Variants in USP48 observed in about 807,000 individuals in gnomAD.
USP48 encodes the protein ubiquitin carboxyl-terminal hydrolase 48.
In USP48, 43 loss-of-function variants were observed where a neutral mutation model predicts 150.7. The ratio of observed to expected loss-of-function variants is 0.29; its 90% confidence interval spans 0.22 to 0.37. The LOEUF (loss-of-function observed/expected upper bound fraction) is 0.37. Among genes scored for constraint, USP48 ranks in the 10% least tolerant of loss-of-function variants. The probability of loss-of-function intolerance (pLI) is 1.00; values close to 1 mark genes in which losing one functional copy is unlikely to be tolerated. For missense variants in USP48, 813 were observed against 1,249.6 expected, an observed-to-expected ratio of 0.65 and a Z score of 5.27; for synonymous variants, 396 against 425.9, an observed-to-expected ratio of 0.93 and a Z score of 0.86.
chr1:21,696,906 T>TA lies in USP48; in HGVS notation c.2728-1686_2728-1685insT, dbSNP rs1553121031. ...GGTGGCCGGTGGGGGCGGTGGGGGA[T>TA]GGGGGGTGAGTGAGAGGCGCAGGGG... On this transcript the variant is annotated intron_variant, in intron 22 of 26. Transcript: ENST00000308271. Among the ~76,000 whole-genome samples the TA allele has an allele frequency of 5.7e-5, 7 of 121,856 alleles. No homozygotes were observed. The Admixed American group carries it at 6.3e-4, about 11-fold the overall frequency. 79.9% of individuals were successfully genotyped at this position (121,856 alleles called of 152,430 possible). A position where few individuals can be genotyped will look rare whatever the true frequency, so the allele number is the denominator to read the frequency against.
At position 21,703,517 on chromosome 1, in the gene USP48, T is replaced by C; in HGVS notation, c.2617A>G (p.Lys873Glu). Residue 873 changes from lysine to glutamate, a missense_variant, in exon 21 of 27, where the codon AAA (lysine) becomes GAA (glutamate). Physicochemically the swap from Lys to Glu is moderately conservative, Grantham distance 56. Coordinates refer to ENST00000308271, the MANE Select transcript of USP48 (RefSeq NM_032236.8). ...TIYVHKVVDN[K>E]KVMKDSAPEL... is the part of the protein sequence containing the mutation. ...GCCACAAGAGGGACCAGTACCTTTT[T>C]ATTATCCACAACTTTATGGACATAG... 1 of 1,611,680 alleles carries C rather than the reference T, an allele frequency of 6.2e-7. No individual in the cohort carries two copies.
intron 22 of USP48, among the ~76,000 whole-genome samples, chr1:21,699,995 C>T (rs1250370260): frequency 1.4e-5 from 2 of 146,964 alleles, no homozygotes; most frequent in Non-Finnish European, 3.0e-5. Context: ...TCTGCAAACG[C>T]TTGTGGAGAC....
Position 21,723,932 on chromosome 1 carries a change from G to A in USP48, c.1614C>T (p.Phe538=), listed in dbSNP as rs1333890395. 1.9e-6 allele frequency: 3 copies of A among 1,614,056 alleles called. No homozygotes were observed. The highest frequency in any genetic ancestry group is 2.5e-6 in the Non-Finnish European group (3 of 1,179,998). The change falls in exon 12 of 27, where the codon TTC becomes TTT. Residue 538 remains phenylalanine (F), a synonymous_variant. Transcript: ENST00000308271. ...KRISEYAADI[F]YSRYGGGPRL... is the part of the protein sequence containing the mutation. ...TTGGACCTCCTCCATATCTACTATA[G>A]AAAATGTCAGCTGCATATTCAGATA...
Position 21,706,885 on chromosome 1 carries a change from A to G in USP48, c.1964-17T>C. 6.4e-7 allele frequency: 1 copy of G among 1,568,966 alleles called. No individual in the cohort carries two copies. Among genetic ancestry groups the G allele is most frequent in the East Asian group, 2.2e-5 (1 of 44,670 alleles). ...ATAACTCACCTGAGTTTAAAAAAAT[A>G]TATTTGGAAAAAAAAAAAACAGCTG... On this transcript the variant is annotated splice_polypyrimidine_tract_variant and intron_variant, in intron 15 of 26. Coordinates refer to ENST00000308271, the MANE Select transcript of USP48 (RefSeq NM_032236.8).
intron 22 of USP48, among the ~76,000 whole-genome samples, chr1:21,699,480 G>A (rs1393510570): frequency 2.0e-5 from 3 of 151,414 alleles, no homozygotes; most frequent in East Asian, 1.9e-4. Context: ...TTACAGGCAT[G>A]AGCCACCGTG....
intron 9 of USP48, among the ~76,000 whole-genome samples, chr1:21,734,167 A>G (rs1474858958): frequency 6.6e-6 from 1 of 152,222 alleles, no homozygotes; most frequent in Non-Finnish European, 1.5e-5. Flanking sequence ...TGGGAGGCCA[A>G]GTGCAAGGAT....
In USP48 at chr1:21,752,541, A is replaced by G; in HGVS notation, c.651T>C (p.Tyr217=). 6.2e-7 allele frequency: 1 copy of G among 1,611,074 alleles called. No homozygotes were observed. Among genetic ancestry groups the G allele is most frequent in the Non-Finnish European group, 8.5e-7 (1 of 1,179,436 alleles). ...AACAGACTTACACAGTTACATAGGC[A>G]TATTCTCCACAGAACTGCTGTTGAA... ...NIVQQQFCGE[Y]AYVTVCNQCG... The change falls in exon 5 of 27, where the codon TAT becomes TAC. Residue 217 remains tyrosine (Y), a synonymous_variant. Coordinates refer to ENST00000308271, the MANE Select transcript of USP48 (RefSeq NM_032236.8).
At chr1:21,724,124 ATGTATTT>A (rs1188031106) in intron 11 of USP48, 29 bp from the exon 12 acceptor site, 1 of 1,605,452 alleles carries the variant, frequency 6.2e-7, no homozygotes, top group African/African-American at 1.3e-5. Flanking sequence ...GAAAGAGCCT[ATGTATTT>A]TTACAGTTTT....
chr1:21,694,066 C>A (rs940321161), intron 23 of USP48, among the ~76,000 whole-genome samples: 1 of 152,040 alleles, frequency 6.6e-6, no homozygotes, highest in African/African-American at 2.4e-5. Context: ...TTCCTTCTGC[C>A]TAGGGTTTGA....
chr1:21,689,219 T>G (rs2097589406), intron 24 of USP48, among the ~76,000 whole-genome samples: 1 of 148,034 alleles, frequency 6.8e-6, no homozygotes, highest in Admixed American at 6.8e-5. Flanking sequence ...ATTTTTTGCT[T>G]TTTTTTTTTG....
intron 19 of USP48, chr1:21,704,723 A>ATTT: frequency 6.1e-6 from 1 of 165,262 alleles, no homozygotes; most frequent in Non-Finnish European, 1.3e-5. Context: ...ATGTGCGTGC[A>ATTT]TTTTTTTTTT....
At chr1:21,694,594 A>AAAC (rs2097618201) in intron 23 of USP48, among the ~76,000 whole-genome samples, 1 of 123,372 alleles carries the variant, frequency 8.1e-6, no homozygotes, top group Admixed American at 7.8e-5. Flanking sequence ...AAAAAAAAAA[A>AAAC]AAAAAAAAAA....
Position 21,692,015 on chromosome 1 carries a change from T to G in USP48, c.2884-1916A>C, listed in dbSNP as rs1192000946. Among the ~76,000 whole-genome samples, 9 of 152,190 alleles carry G rather than the reference T, an allele frequency of 5.9e-5. 1 individual carries two copies. In the South Asian group the frequency reaches 1.5e-3, roughly 25 times the overall value. On this transcript the variant is annotated intron_variant, in intron 23 of 26. Transcript: ENST00000308271. ...CCTCACAAATCAACCTTGAACTGTG[T>G]GTGTAACAGGGCCCAAGAGCTTGAC...
intron 8 of USP48, among the ~76,000 whole-genome samples, chr1:21,744,311 T>C (rs910493933): frequency 2.0e-5 from 3 of 151,430 alleles, no homozygotes; most frequent in Non-Finnish European, 2.9e-5. Context: ...CCAGGTACGA[T>C]GGCATGCGTC....
chr1:21,773,195 C>T (rs1428462854), intron 1 of USP48, among the ~76,000 whole-genome samples: 2 of 141,160 alleles, frequency 1.4e-5, no homozygotes, highest in Admixed American at 1.5e-4. Context: ...GCAGAGGTTG[C>T]AGCAAGCTGA....
chr1:21,741,120 A>G (rs2097780518), intron 8 of USP48, among the ~76,000 whole-genome samples: 1 of 152,228 alleles, frequency 6.6e-6, no homozygotes, highest in Non-Finnish European at 1.5e-5. Flanking sequence ...GAGAATAATA[A>G]ATCAATTAAA....
chr1:21,767,799 A>T (rs2152633136), intron 1 of USP48, among the ~76,000 whole-genome samples: 1 of 152,364 alleles, frequency 6.6e-6, no homozygotes, highest in East Asian at 1.9e-4. Flanking sequence ...AAGGAGAACC[A>T]TGATAATATA....
intron 12 of USP48, 124 bp downstream of exon 12, chr1:21,723,774 A>C: frequency 1.2e-6 from 1 of 803,662 alleles, no homozygotes; most frequent in Non-Finnish European, 2.0e-6. Flanking sequence ...CTTTGTGCAA[A>C]GTGTAAGGAA....
intron 1 of USP48, among the ~76,000 whole-genome samples, chr1:21,771,201 C>T (rs2097879147): frequency 6.6e-6 from 1 of 151,648 alleles, no homozygotes; most frequent in South Asian, 2.1e-4. Flanking sequence ...TGGTGAAACC[C>T]CGTCTCTACT....
Sources: gnomAD v4.1 joint callset for allele counts (sites outside exome capture counted in the v4.1 genomes callset) on GRCh38, gnomAD v4.1.1 for gene constraint, MANE v1.5 for transcripts, NCBI Gene and HGNC (gene_info 2026-07-23, HGNC 2026-07-21) for gene names.